Variants in ZC3H15 observed in about 807,000 individuals in gnomAD.
The protein encoded by ZC3H15 is zinc finger CCCH domain-containing protein 15.
Under a neutral mutation model 51.2 loss-of-function variants are expected in ZC3H15, and 15 were observed. The observed-to-expected ratio is 0.29, with a 90% CI of 0.20 to 0.45. The LOEUF is 0.45. Ranked by LOEUF, ZC3H15 falls within the 20% of genes least tolerant of loss-of-function variation. The pLI, the probability that ZC3H15 is intolerant of heterozygous loss-of-function variation, is 1.00. For missense variants in ZC3H15, 381 were observed against 494.7 expected, an observed-to-expected ratio of 0.77 and a Z score of 2.18; for synonymous variants, 144 against 162.8, an observed-to-expected ratio of 0.88 and a Z score of 0.88.
At position 186,506,783 on chromosome 2, in the gene ZC3H15, G is replaced by C; in HGVS notation, c.1037G>C (p.Gly346Ala). The stretch of plus-strand genomic sequence containing the variant: ...ATCCCAAGAGATGTAGATGAAACAG[G>C]TATTACTGTAGCCAGTCTTGAAAGA... The part of the protein sequence containing the change: ...LYIPRDVDET[G>A]ITVASLERFS... The change falls in exon 9 of 10, where the codon GGT (glycine) becomes GCT (alanine). Residue 346 changes from glycine to alanine, a missense_variant. By Grantham distance (60) the Gly-to-Ala change is moderately conservative (BLOSUM62 0). Transcript: ENST00000337859. 6.2e-7 allele frequency: 1 copy of C among 1,613,714 alleles called. No individual in the cohort carries two copies. Among genetic ancestry groups the C allele is most frequent in the Non-Finnish European group, 8.5e-7 (1 of 1,179,824 alleles).
intron 8 of ZC3H15, among the ~76,000 whole-genome samples, chr2:186,506,474 A>G (rs951154495): frequency 6.6e-6 from 1 of 152,078 alleles, no homozygotes; most frequent in Non-Finnish European, 1.5e-5. Flanking sequence ...TTTGTTTTTT[A>G]TAGAGACAAG....
intron 9 of ZC3H15, 79 bp from the exon 10 acceptor site, chr2:186,508,464 T>TC: frequency 1.6e-6 from 2 of 1,221,300 alleles, no homozygotes; most frequent in Non-Finnish European, 2.3e-6. Flanking sequence ...AAGTGTAGTA[T>TC]CAGTCTATGT....
intron 7 of ZC3H15, 62 bp downstream of exon 7, chr2:186,505,659 CAA>C (rs1685455534): frequency 3.1e-6 from 5 of 1,602,316 alleles, no homozygotes; most frequent in Admixed American, 3.4e-5. Context: ...CTGTGTCATG[CAA>C]GATTTTGTTT....
rs756869123 is a variant in ZC3H15 at position 186,505,463 on chromosome 2, G to T, written c.730G>T (p.Gly244Cys). The change falls in exon 7 of 10, where the codon GGT becomes TGT. Residue 244 changes from glycine to cysteine, a missense_variant. Physicochemically the swap from Gly to Cys is radical, Grantham distance 159. This residue lies in a region of ZC3H15 where 215 missense variants were observed against 241.8 expected (regional missense o/e 0.89). Transcript: ENST00000337859. ...DLIERERSAL[G>C]PNVTKITLES... ...TTTACCATTGCAGCGTTCTGCCCTA[G>T]GTCCAAATGTTACCAAAATCACTCT... 1.3e-6 allele frequency: 2 copies of T among 1,560,792 alleles called. No homozygotes were observed. Among genetic ancestry groups the T allele is most frequent in the South Asian group, 2.5e-5 (2 of 80,732 alleles).
intron 1 of ZC3H15, among the ~76,000 whole-genome samples, chr2:186,493,322 T>C (rs576707062): frequency 6.6e-6 from 1 of 152,236 alleles, no homozygotes; most frequent in South Asian, 2.1e-4. Context: ...TCTGGAACAC[T>C]AAGCACAGAG....
In ZC3H15 at chr2:186,501,359, A is replaced by G; in HGVS notation, c.376A>G (p.Thr126Ala). The G allele has an allele frequency of 6.2e-7, 1 of 1,613,882 alleles. No individual in the cohort carries two copies. The highest frequency in any genetic ancestry group is 8.5e-7 in the Non-Finnish European group (1 of 1,179,914). Reference sequence around the variant, plus strand: ...TAAGTGTAAGTTCTCCCATGACTTGACTCTGGAGAGAAAATGTGAAAAGCG... The same window carrying G: ...TAAGTGTAAGTTCTCCCATGACTTGGCTCTGGAGAGAAAATGTGAAAAGCG... ...GDKCKFSHDL[T>A]LERKCEKRSV... Residue 126 changes from threonine to alanine, a missense_variant, in exon 4 of 10, where the codon ACT (threonine) becomes GCT (alanine). Physicochemically the swap from Thr to Ala is moderately conservative, Grantham distance 58. This residue lies in a region of ZC3H15 where 125 missense variants were observed against 166.3 expected (regional missense o/e 0.75). Coordinates refer to ENST00000337859, the MANE Select transcript of ZC3H15 (RefSeq NM_018471.3).
chr2:186,501,745 T>G (rs1266508970), intron 4 of ZC3H15, among the ~76,000 whole-genome samples: 3 of 151,510 alleles, frequency 2.0e-5, no homozygotes, highest in African/African-American at 7.3e-5. Context: ...GAGTCTTGGC[T>G]CTGTCGCCCA....
intron 2 of ZC3H15, 76 bp downstream of exon 2, chr2:186,495,410 T>C: frequency 1.1e-6 from 1 of 903,732 alleles, no homozygotes. Context: ...AAATGTCTGG[T>C]ATTATTATAT....
Position 186,486,414 on chromosome 2 carries a change from G to A in ZC3H15, c.32G>A (p.Gly11Asp), listed in dbSNP as rs1440954631. 1 of 1,562,720 alleles carries A rather than the reference G, an allele frequency of 6.4e-7. No individual in the cohort carries two copies. Among genetic ancestry groups the A allele is most frequent in the Admixed American group, 1.9e-5 (1 of 53,640 alleles). Residue 11 changes from glycine (G) to aspartate (D), a missense_variant, in exon 1 of 10, where the codon GGC becomes GAC. Physicochemically the swap from Gly to Asp is moderately conservative, Grantham distance 94. Around this residue, in one of 3 missense-constraint regions of ZC3H15, gnomAD observed 125 missense variants for 166.3 expected, o/e 0.75. Coordinates refer to ENST00000337859, the MANE Select transcript of ZC3H15 (RefSeq NM_018471.3). ...CCCAAGAAACAGGCTCAGGCCGGGG[G>A]CAGCAAAAAGGCGGAGCAAAAAAAG... The part of the protein sequence containing the change: MPPKKQAQAG[G>D]SKKAEQKKKE...
rs369348660 is a variant in ZC3H15 at position 186,505,608 on chromosome 2, G to T, written c.864+11G>T. On this transcript the variant is annotated intron_variant, in intron 7 of 9. Transcript: ENST00000337859. ...GGGAAAGCACTAGTGGTATGTCTCA[G>T]GCTCACCCAAACTGATTCTTTATTC... is the stretch of plus-strand genomic sequence containing the variant. The T allele has an allele frequency of 4.9e-5, 79 of 1,602,560 alleles. No individual in the cohort carries two copies. The African/African-American group carries it at 9.4e-4, about 19-fold the overall frequency.
At chr2:186,500,041 C>G in intron 2 of ZC3H15, 141 bp from the exon 3 acceptor site, 3 of 662,202 alleles carry the variant, frequency 4.5e-6, no homozygotes, top group Non-Finnish European at 7.5e-6. Flanking sequence ...ATTGAATAGA[C>G]TCTGTAAGGC....
intron 6 of ZC3H15, 118 bp from the exon 7 acceptor site, chr2:186,505,333 A>T: frequency 8.2e-7 from 1 of 1,215,934 alleles, no homozygotes; most frequent in Non-Finnish European, 1.1e-6. Flanking sequence ...AGCTTATTCC[A>T]ATGTAATATC....
intron 1 of ZC3H15, among the ~76,000 whole-genome samples, chr2:186,489,841 A>G (rs1685165450): frequency 6.6e-6 from 1 of 152,232 alleles, no homozygotes; most frequent in Non-Finnish European, 1.5e-5. Context: ...CTAGCTCTAT[A>G]GTTTTAGACA....
At position 186,500,219 on chromosome 2, in the gene ZC3H15, A is replaced by G; in HGVS notation, c.215A>G (p.Asp72Gly). Residue 72 changes from aspartate to glycine, a missense_variant, in exon 3 of 10, where the codon GAT becomes GGT. Around this residue, in one of 3 missense-constraint regions of ZC3H15, gnomAD observed 125 missense variants for 166.3 expected, o/e 0.75. Transcript: ENST00000337859. ...GAAGCTGAAAAGAAATTGAAGAAGG[A>G]TGACAAGAAGAAAGAATTGCAGGAG... ...QSEAEKKLKK[D>G]DKKKELQELN... The G allele has an allele frequency of 6.2e-7, 1 of 1,613,736 alleles. No homozygotes were observed.
At chr2:186,506,353 T>C (rs1022858132) in intron 8 of ZC3H15, among the ~76,000 whole-genome samples, 1 of 152,212 alleles carries the variant, frequency 6.6e-6, no homozygotes, top group Non-Finnish European at 1.5e-5. Flanking sequence ...AGAAAAAAAT[T>C]GTACTCTATA....
chr2:186,502,364 C>T (rs981420185), intron 4 of ZC3H15, 132 bp from the exon 5 acceptor site: 19 of 678,796 alleles, frequency 2.8e-5, no homozygotes, highest in Non-Finnish European at 3.0e-5. Flanking sequence ...AGTGAGACCC[C>T]GTCTCAACAA....
Position 186,500,148 on chromosome 2 carries a change from T to TTTTGTAAA in ZC3H15, c.178-34_178-33insTTTGTAAA, listed in dbSNP as rs762162172. The stretch of plus-strand genomic sequence containing the variant: ...GTAGTAAAAACAATTTTGTAAACAA[T>TTTTGTAAA]CAAATTTACATTTTAAACCTGGGAA... On this transcript the variant is annotated intron_variant, in intron 2 of 9. Transcript: ENST00000337859. 48 of 1,562,898 alleles carry TTTTGTAAA rather than the reference T, an allele frequency of 3.1e-5. No individual in the cohort carries two copies. The East Asian group carries it at 1.1e-3, about 34-fold the overall frequency.
At chr2:186,496,244 T>A (rs1352450141) in intron 2 of ZC3H15, among the ~76,000 whole-genome samples, 2 of 152,204 alleles carry the variant, frequency 1.3e-5, no homozygotes, top group Non-Finnish European at 1.5e-5. Context: ...TATCTTAAAG[T>A]TCTCACTCTG....
chr2:186,508,094 G>C (rs1685496167), intron 9 of ZC3H15, among the ~76,000 whole-genome samples: 1 of 151,870 alleles, frequency 6.6e-6, no homozygotes, highest in South Asian at 2.1e-4. Flanking sequence ...AAGATTTTCT[G>C]CTGTCACAAT....
Sources: gnomAD v4.1 joint callset for allele counts (sites outside exome capture counted in the v4.1 genomes callset) on GRCh38, gnomAD v4.1.1 for gene constraint, gnomAD v4.1.1 regional missense constraint, MANE v1.5 for transcripts, NCBI Gene and HGNC (gene_info 2026-07-23, HGNC 2026-07-21) for gene names.